Variants in PLD5 observed in about 807,000 individuals in gnomAD.
PLD5 encodes the protein phospholipase D family member 5.
PLD5 carries 36 observed loss-of-function variants against 61.1 expected under a neutral mutation model. That is an observed-to-expected ratio of 0.59 (90% CI 0.45 to 0.78). The LOEUF (loss-of-function observed/expected upper bound fraction) is 0.78, where lower values mean the gene tolerates loss of function less well. PLD5 is among the 30% of genes least tolerant of loss of function. The pLI, the probability that PLD5 is intolerant of heterozygous loss-of-function variation, is 0.00. For missense variants in PLD5, 515 were observed against 644.4 expected (o/e 0.80, Z 2.17); for synonymous variants, 243 against 242.8 (o/e 1.00, Z -0.01).
intron 4 of PLD5, among the ~76,000 whole-genome samples, chr1:242,243,828 T>C (rs1443414302): frequency 6.6e-6 from 1 of 152,236 alleles, no homozygotes; most frequent in African/African-American, 2.4e-5. Context: ...GAAAATTCAG[T>C]AGAGCTTCTG....
At chr1:242,175,848 A>G (rs1279478709) in intron 5 of PLD5, among the ~76,000 whole-genome samples, 1 of 152,194 alleles carries the variant, frequency 6.6e-6, no homozygotes, top group Non-Finnish European at 1.5e-5. Flanking sequence ...TCCCATTTGC[A>G]ATTGCTACTA....
the PLD5 span, among the ~76,000 whole-genome samples, chr1:242,530,322 C>A: frequency 6.6e-6 from 1 of 152,218 alleles, no homozygotes; most frequent in African/African-American, 2.4e-5. Flanking sequence ...ATGGTTTGGT[C>A]ACAAGGTTTG....
chr1:242,361,375 C>A (rs369597440), intron 1 of PLD5, among the ~76,000 whole-genome samples: 1 of 152,068 alleles, frequency 6.6e-6, no homozygotes, highest in East Asian at 1.9e-4. Flanking sequence ...AGCTTACGTT[C>A]AAATGATAGA....
intron 5 of PLD5, among the ~76,000 whole-genome samples, chr1:242,132,198 G>GA (rs1443121779): frequency 1.0e-5 from 1 of 98,318 alleles, no homozygotes; most frequent in African/African-American, 3.7e-5. Flanking sequence ...ATTGCGGGGG[G>GA]GGGGGGGGGC....
chr1:242,135,133 TTAAA>T (rs769411298), intron 5 of PLD5, among the ~76,000 whole-genome samples: 2 of 152,188 alleles, frequency 1.3e-5, no homozygotes, highest in African/African-American at 2.4e-5. Context: ...GTTGGGATAA[TTAAA>T]TAATTTATTG....
At chr1:242,145,407 G>A (rs139654642) in intron 5 of PLD5, among the ~76,000 whole-genome samples, 174 of 152,218 alleles carry the variant, frequency 1.1e-3, no homozygotes, top group African/African-American at 3.9e-3. Flanking sequence ...ACTGACTGCT[G>A]TATTTCCAGT....
chr1:242,386,222 A>T (rs1441108862), intron 1 of PLD5, among the ~76,000 whole-genome samples: 1 of 152,200 alleles, frequency 6.6e-6, no homozygotes, highest in Non-Finnish European at 1.5e-5. Flanking sequence ...ATAAGGTCTC[A>T]TTCTGAGGTA....
chr1:242,213,555 C>T (rs1357319918), intron 5 of PLD5, among the ~76,000 whole-genome samples: 3 of 152,022 alleles, frequency 2.0e-5, no homozygotes, highest in Admixed American at 6.6e-5. Flanking sequence ...TAGCAACTTA[C>T]ACACTTTAAA....
intron 2 of PLD5, among the ~76,000 whole-genome samples, chr1:242,314,469 C>T (rs1434260907): frequency 1.3e-5 from 2 of 152,208 alleles, no homozygotes; most frequent in Non-Finnish European, 2.9e-5. Context: ...ATCACCTCAC[C>T]TATTACAGGA....
At chr1:242,331,161 T>G (rs1659145740) in intron 2 of PLD5, among the ~76,000 whole-genome samples, 1 of 152,294 alleles carries the variant, frequency 6.6e-6, no homozygotes, top group Middle Eastern at 3.4e-3. Context: ...CTGCCAGAAA[T>G]GCAAATATGA....
intron 1 of PLD5, among the ~76,000 whole-genome samples, chr1:242,401,275 A>G (rs143570609): frequency 0.02 from 2,984 of 152,140 alleles, 48 homozygotes; most frequent in Non-Finnish European, 0.031. Context: ...CACTCCTTGC[A>G]CTGGCAGGCT....
At chr1:242,291,030 C>G (rs1445326766) in intron 2 of PLD5, among the ~76,000 whole-genome samples, 1 of 152,184 alleles carries the variant, frequency 6.6e-6, no homozygotes, top group Non-Finnish European at 1.5e-5. Flanking sequence ...TGCCTCTCTG[C>G]AGCTTCACTG....
At chr1:242,116,774 A>C (rs1037428105) in intron 6 of PLD5, among the ~76,000 whole-genome samples, 1 of 152,192 alleles carries the variant, frequency 6.6e-6, no homozygotes, top group Non-Finnish European at 1.5e-5. Flanking sequence ...ATAGTATTCC[A>C]TGGTGCATAT....
intron 9 of PLD5, among the ~76,000 whole-genome samples, chr1:242,099,428 G>C (rs1355990668): frequency 6.6e-6 from 1 of 152,094 alleles, no homozygotes; most frequent in Non-Finnish European, 1.5e-5. Context: ...CACCCAGCCA[G>C]ATATATATCT....
At chr1:242,488,349 A>G (rs1453802624) in intron 1 of PLD5, among the ~76,000 whole-genome samples, 1 of 152,248 alleles carries the variant, frequency 6.6e-6, no homozygotes, top group Non-Finnish European at 1.5e-5. Flanking sequence ...ATGGATAAAT[A>G]AACTGGTATA....
intron 1 of PLD5, among the ~76,000 whole-genome samples, chr1:242,384,813 C>G (rs936871567): frequency 8.5e-5 from 13 of 152,172 alleles, no homozygotes; most frequent in African/African-American, 3.1e-4. Flanking sequence ...TTTGATGAAG[C>G]AGTACTCTCT....
At chr1:242,187,691 A>C (rs1667993365) in intron 5 of PLD5, among the ~76,000 whole-genome samples, 1 of 152,124 alleles carries the variant, frequency 6.6e-6, no homozygotes, top group African/African-American at 2.4e-5. Flanking sequence ...CTTTTTAGCC[A>C]TTATAAATAA....
At chr1:242,163,251 C>T (rs940078304) in intron 5 of PLD5, among the ~76,000 whole-genome samples, 1 of 149,168 alleles carries the variant, frequency 6.7e-6, no homozygotes, top group African/African-American at 2.6e-5. Context: ...TCATGCCATT[C>T]TCCTGCCTCA....
At chr1:242,298,080 CTTTA>C (rs1255895398) in intron 2 of PLD5, among the ~76,000 whole-genome samples, 1 of 151,988 alleles carries the variant, frequency 6.6e-6, no homozygotes, top group Admixed American at 6.6e-5. Context: ...ATTTTTAATA[CTTTA>C]TTTTTTGTCA....
Sources: gnomAD v4.1 joint callset for allele counts (sites outside exome capture counted in the v4.1 genomes callset) on GRCh38, gnomAD v4.1.1 for gene constraint, MANE v1.5 for transcripts, NCBI Gene and HGNC (gene_info 2026-07-23, HGNC 2026-07-21) for gene names.